EBF1: variants seen among roughly 807,000 people sequenced by gnomAD.
EBF1 encodes the protein EBF transcription factor 1, also known as transcription factor COE1.
Under a neutral mutation model 68.4 loss-of-function variants are expected in EBF1, and 10 were observed. The observed-to-expected ratio is 0.15, with a 90% CI of 0.09 to 0.25. The LOEUF is 0.25. Ranked by LOEUF, EBF1 falls within the 10% of genes least tolerant of loss-of-function variation. The pLI, the probability that EBF1 is intolerant of heterozygous loss-of-function variation, is 1.00. For synonymous variants in EBF1, 298 were observed against 299.8 expected, an observed-to-expected ratio of 0.99 and a Z score of 0.06; for missense variants, 509 against 794.4, an observed-to-expected ratio of 0.64 and a Z score of 4.32.
intron 10 of EBF1, among the ~76,000 whole-genome samples, chr5:158,774,192 G>A (rs965637768): frequency 6.6e-6 from 1 of 152,024 alleles, no homozygotes; most frequent in African/African-American, 2.4e-5. Flanking sequence ...TTCCTCGTGC[G>A]TCTCTGGTCT....
intron 6 of EBF1, among the ~76,000 whole-genome samples, chr5:159,017,119 G>T (rs1398214677): frequency 6.9e-6 from 1 of 144,224 alleles, no homozygotes; most frequent in Non-Finnish European, 1.6e-5. Context: ...AATGATTATT[G>T]ATGCTTTTCA....
At chr5:158,876,588 A>T (rs1797849496) in intron 6 of EBF1, among the ~76,000 whole-genome samples, 5 of 152,186 alleles carry the variant, frequency 3.3e-5, no homozygotes, top group Admixed American at 3.3e-4. Flanking sequence ...CTTCAGGAAA[A>T]ACAACATCTT....
At chr5:158,818,731 C>T (rs1784225422) in intron 8 of EBF1, among the ~76,000 whole-genome samples, 1 of 152,060 alleles carries the variant, frequency 6.6e-6, no homozygotes, top group Admixed American at 6.5e-5. Context: ...CTGATGCCCA[C>T]AAAAGCTAAA....
chr5:159,073,801 A>G (rs1778262130), intron 5 of EBF1: 1 of 243,838 alleles, frequency 4.1e-6, no homozygotes, highest in African/African-American at 2.2e-5. Context: ...CAATGAGAAT[A>G]TTCAAGGTTG....
At chr5:158,901,573 C>T (rs1030923844) in intron 6 of EBF1, among the ~76,000 whole-genome samples, 4 of 152,066 alleles carry the variant, frequency 2.6e-5, no homozygotes, top group South Asian at 2.1e-4. Flanking sequence ...AAGTATTTGG[C>T]GATAAGTTCA....
rs537688900 is a variant in EBF1 at position 159,082,774 on chromosome 5, A to G, written c.485+1892T>C. The stretch of plus-strand genomic sequence containing the variant: ...CGTAATCTGTAACATTAGCAGGATG[A>G]CATTTTGAATACGGCTTTTCCCTCT... On this transcript the variant is annotated intron_variant, in intron 5 of 15. Coordinates refer to ENST00000313708, the MANE Select transcript of EBF1 (RefSeq NM_024007.5). Among the ~76,000 whole-genome samples, 3 of 152,350 alleles carry G rather than the reference A, an allele frequency of 2.0e-5. No homozygotes were observed. The East Asian group carries it at 5.8e-4, about 29-fold the overall frequency.
At chr5:158,866,236 T>G (rs10059644) in intron 6 of EBF1, among the ~76,000 whole-genome samples, 1 of 152,186 alleles carries the variant, frequency 6.6e-6, no homozygotes, top group Non-Finnish European at 1.5e-5. Flanking sequence ...AAAGCCTTCT[T>G]GCAGAAATGT....
chr5:159,054,023 A>G (rs1435115417), intron 6 of EBF1, among the ~76,000 whole-genome samples: 1 of 152,264 alleles, frequency 6.6e-6, no homozygotes, highest in African/African-American at 2.4e-5. Context: ...CTTGCTGGTC[A>G]TTAATCGTTA....
chr5:158,959,144 C>T (rs1248589310), intron 6 of EBF1, among the ~76,000 whole-genome samples: 2 of 152,090 alleles, frequency 1.3e-5, no homozygotes, highest in Non-Finnish European at 2.9e-5. Context: ...GAACCATTAA[C>T]ATATCTGAGG....
At chr5:159,064,434 T>A (rs1021149173) in intron 6 of EBF1, among the ~76,000 whole-genome samples, 3 of 152,166 alleles carry the variant, frequency 2.0e-5, no homozygotes, top group African/African-American at 7.2e-5. Flanking sequence ...ACCAATAAAG[T>A]GGATAGTTCC....
At chr5:158,939,946 T>A (rs10077673) in intron 6 of EBF1, among the ~76,000 whole-genome samples, 1 of 152,012 alleles carries the variant, frequency 6.6e-6, no homozygotes, top group African/African-American at 2.4e-5. Context: ...AATACACTTA[T>A]ACCCTCTCAA....
rs80162618 is a variant in EBF1, at chr5:158,708,183, G to A, written c.1550-10C>T. The A allele has an allele frequency of 0.024, 36,946 of 1,569,026 alleles. 3,205 individuals carry two copies. The African/African-American group carries it at 0.28, about 12-fold the overall frequency. ...GGGCTGGATGGCACTACTGAGAGGG[G>A]CAATGAGAAAGGAGAAATCAGTGCC... On this transcript the variant is annotated splice_polypyrimidine_tract_variant and intron_variant, in intron 14 of 15. Transcript: ENST00000313708.
intron 11 of EBF1, among the ~76,000 whole-genome samples, chr5:158,729,601 T>G (rs932389811): frequency 6.6e-6 from 1 of 152,188 alleles, no homozygotes; most frequent in African/African-American, 2.4e-5. Flanking sequence ...GGGTGGAGAC[T>G]GCTGTTTATT....
chr5:159,048,924 C>T (rs890360359), intron 6 of EBF1, among the ~76,000 whole-genome samples: 2 of 152,186 alleles, frequency 1.3e-5, no homozygotes, highest in African/African-American at 4.8e-5. Context: ...ACAGTAAGTG[C>T]TAAATACACA....
At chr5:159,067,030 C>G (rs1776941698) in intron 6 of EBF1, among the ~76,000 whole-genome samples, 1 of 152,062 alleles carries the variant, frequency 6.6e-6, no homozygotes, top group Non-Finnish European at 1.5e-5. Flanking sequence ...TACGCAGGAA[C>G]CACTAAATGG....
At chr5:158,946,934 A>AG (rs1814878719) in intron 6 of EBF1, among the ~76,000 whole-genome samples, 1 of 152,160 alleles carries the variant, frequency 6.6e-6, no homozygotes, top group Non-Finnish European at 1.5e-5. Context: ...GCTCTGTGGC[A>AG]CTGCAGTGAG....
chr5:158,707,876 C>G lies in EBF1; in HGVS notation c.1744+103G>C, dbSNP rs1581184791. The G allele has an allele frequency of 2.2e-6, 3 of 1,355,154 alleles. No individual in the cohort carries two copies. In the East Asian group the frequency reaches 7.6e-5, roughly 34 times the overall value. The allele number at this position is 1,355,154 out of a possible 1,614,324, so 83.9% of individuals were successfully genotyped here. A position where few individuals can be genotyped will look rare whatever the true frequency, so the allele number is the denominator to read the frequency against. ...GAGGGCAGAGAGAATCAGGCAGGGC[C>G]CAAGGCTGATACCCTCAGCAATGGT... is the stretch of plus-strand genomic sequence containing the variant. On this transcript the variant is annotated intron_variant, in intron 15 of 15. Coordinates refer to ENST00000313708, the MANE Select transcript of EBF1 (RefSeq NM_024007.5).
At chr5:159,064,847 T>C (rs968618813) in intron 6 of EBF1, among the ~76,000 whole-genome samples, 5 of 151,670 alleles carry the variant, frequency 3.3e-5, no homozygotes, top group South Asian at 4.2e-4. Flanking sequence ...TAACCAACTT[T>C]CTTTTCTAAA....
At chr5:158,982,588 T>C (rs1431164460) in intron 6 of EBF1, among the ~76,000 whole-genome samples, 5 of 152,190 alleles carry the variant, frequency 3.3e-5, no homozygotes, top group Non-Finnish European at 7.3e-5. Context: ...GATGAATTAA[T>C]AACAAAATAA....
Sources: gnomAD v4.1 joint callset for allele counts (sites outside exome capture counted in the v4.1 genomes callset) on GRCh38, gnomAD v4.1.1 for gene constraint, MANE v1.5 for transcripts, NCBI Gene and HGNC (gene_info 2026-07-23, HGNC 2026-07-21) for gene names.